Variants in SRCAP observed in about 807,000 individuals in gnomAD.
SRCAP encodes chromatin remodeling protein SRCAP.
In SRCAP, 46 loss-of-function variants were observed where a neutral mutation model predicts 263.1. The ratio of observed to expected loss-of-function variants is 0.17; its 90% CI spans 0.14 to 0.22. The LOEUF (loss-of-function observed/expected upper bound fraction) is 0.22, where lower values mean the gene tolerates loss of function less well. Ranked by LOEUF, SRCAP falls within the 10% of genes least tolerant of loss-of-function variation. The pLI is 1.00. For synonymous variants in SRCAP, 1,813 were observed against 1,662.1 expected, an observed-to-expected ratio of 1.09 and a Z score of -2.21; for missense variants, 3,695 against 4,181.9, an observed-to-expected ratio of 0.88 and a Z score of 3.21.
chr16:30,729,616 T>G (rs774999767), intron 27 of SRCAP, 44 bp downstream of exon 27: 6 of 1,607,196 alleles, frequency 3.7e-6, no homozygotes, highest in Non-Finnish European at 5.1e-6. Context: ...TCTCTTCTTT[T>G]CTTAGTATTA....
intron 8 of SRCAP, 30 bp downstream of exon 8, chr16:30,710,158 CAG>C (rs757224619): frequency 2.4e-4 from 380 of 1,600,132 alleles, no homozygotes; most frequent in Non-Finnish European, 3.1e-4. Flanking sequence ...AGGGAGGGTT[CAG>C]AGGGGGAACA....
rs139339184 is a variant in SRCAP, at chr16:30,711,901, G to A, written c.1559G>A (p.Ser520Asn). 1,435 of 1,613,902 alleles carry A rather than the reference G, an allele frequency of 8.9e-4. 7 individuals are homozygous for A. The Middle Eastern group carries it at 0.014, about 16-fold the overall frequency. ...EHSEEEETSG[S>N]SASEESESEE... ...TCAGAGGAGGAAGAAACAAGTGGAAGTTCAGCATCAGAGGAATCTGAGTCT... is the reference window on the plus strand; with the variant it reads ...TCAGAGGAGGAAGAAACAAGTGGAAATTCAGCATCAGAGGAATCTGAGTCT... The change falls in exon 12 of 34, where the codon AGT becomes AAT. Residue 520 changes from serine to asparagine, a missense_variant. Ser to Asn is a conservative substitution (Grantham distance 46). Coordinates refer to ENST00000262518, the MANE Select transcript of SRCAP (RefSeq NM_006662.3).
chr16:30,737,625 C>A lies in SRCAP; in HGVS notation c.7585C>A (p.Leu2529Ile), dbSNP rs2053173877. 1 of 1,613,928 alleles carries A rather than the reference C, an allele frequency of 6.2e-7. No homozygotes were observed. Among genetic ancestry groups the A allele is most frequent in the Non-Finnish European group, 8.5e-7 (1 of 1,180,036 alleles). Reference sequence around the variant, plus strand: ...TGTAACTCCTTCCTCTCCTCTCTTGCTTGGTCCACCTTCTGTGCCCATCTC... The same window carrying A: ...TGTAACTCCTTCCTCTCCTCTCTTGATTGGTCCACCTTCTGTGCCCATCTC... ...CLVTPSSPLL[L>I]GPPSVPISAS... Residue 2529 changes from leucine (L) to isoleucine (I), a missense_variant, in exon 34 of 34, where the codon CTT becomes ATT. By Grantham distance (5) the Leu-to-Ile change is conservative. Coordinates refer to ENST00000262518, the MANE Select transcript of SRCAP (RefSeq NM_006662.3).
At chr16:30,725,253 C>T in intron 25 of SRCAP, 171 bp downstream of exon 25, 3 of 1,326,048 alleles carry the variant, frequency 2.3e-6, no homozygotes, top group Non-Finnish European at 3.0e-6. Flanking sequence ...TGGGCGTGTA[C>T]CTCATGATCC....
chr16:30,738,401 C>T lies in SRCAP; in HGVS notation c.8361C>T (p.Ser2787=), dbSNP rs749451205. Residue 2787 remains serine (S), a synonymous_variant, in exon 34 of 34, where the codon AGC becomes AGT. Transcript: ENST00000262518. Reference sequence around the variant, plus strand: ...CTGGGGTCTCTGAGACTAGTGCCAGCCCGGGAAGCCCGTCTGTCCGCAGCA... The same window carrying T: ...CTGGGGTCTCTGAGACTAGTGCCAGTCCGGGAAGCCCGTCTGTCCGCAGCA... The part of the protein sequence containing the change: ...LVPGVSETSA[S]PGSPSVRSMS... 2 of 1,546,790 alleles carry T rather than the reference C, an allele frequency of 1.3e-6. No homozygotes were observed. The highest frequency in any genetic ancestry group is 1.7e-6 in the Non-Finnish European group (2 of 1,147,508).
rs549089609 is a variant in SRCAP at position 30,713,756 on chromosome 16, A to G, written c.2493+45A>G. The G allele has an allele frequency of 4.1e-5, 65 of 1,586,260 alleles. 1 individual carries two copies. The Admixed American group carries it at 1.1e-3, about 26-fold the overall frequency. On this transcript the variant is annotated intron_variant, in intron 16 of 33. Coordinates refer to ENST00000262518, the MANE Select transcript of SRCAP (RefSeq NM_006662.3). ...GTCAGGGTATTGGGAATGGTAAGGA[A>G]CCATTCCTGAGCACCTGGGCAGTGC...
chr16:30,738,643 G>T lies in SRCAP; in HGVS notation c.8603G>T (p.Arg2868Met). 6.2e-7 allele frequency: 1 copy of T among 1,610,328 alleles called. No individual in the cohort carries two copies. Among genetic ancestry groups the T allele is most frequent in the Admixed American group, 1.7e-5 (1 of 59,070 alleles). The change falls in exon 34 of 34, where the codon AGG becomes ATG. Residue 2868 changes from arginine (R) to methionine (M), a missense_variant. Arg to Met is a moderately conservative substitution (Grantham distance 91). Coordinates refer to ENST00000262518, the MANE Select transcript of SRCAP (RefSeq NM_006662.3). ...AGGGGGAGGCCCCCCAAGAAGAACA[G>T]GTCTCCAGCAGATGCTGGGAGAGGT... The part of the protein sequence containing the change: ...RRRGRPPKKN[R>M]SPADAGRGVD...
intron 31 of SRCAP, among the ~76,000 whole-genome samples, chr16:30,735,027 A>G (rs190121574): frequency 6.6e-6 from 1 of 152,284 alleles, no homozygotes; most frequent in East Asian, 1.9e-4. Flanking sequence ...CCCCAAAATT[A>G]TGATAGATTT....
Position 30,712,045 on chromosome 16 carries a change from G to C in SRCAP, c.1703G>C (p.Ser568Thr). The C allele has an allele frequency of 6.2e-7, 1 of 1,614,072 alleles. No individual in the cohort carries two copies. The highest frequency in any genetic ancestry group is 8.5e-7 in the Non-Finnish European group (1 of 1,180,028). Reference protein sequence around the residue: ...DEEQSEADAGSGPPTPGPTTL... With the variant: ...DEEQSEADAGTGPPTPGPTTL... ...GAGCAGAGTGAGGCAGATGCAGGCA[G>C]TGGGCCTCCTACTCCAGGGCCCACT... The change falls in exon 12 of 34, where the codon AGT (serine) becomes ACT (threonine). Residue 568 changes from serine to threonine, a missense_variant. Ser to Thr is a moderately conservative substitution (Grantham distance 58). Coordinates refer to ENST00000262518, the MANE Select transcript of SRCAP (RefSeq NM_006662.3).
At position 30,712,178 on chromosome 16, in the gene SRCAP, C is replaced by G. The variant is rs748443592; in HGVS notation, c.1815+21C>G. 6.2e-6 allele frequency: 10 copies of G among 1,608,020 alleles called. 1 individual carries two copies. In the South Asian group the frequency reaches 6.6e-5, roughly 11 times the overall value. On this transcript the variant is annotated intron_variant, in intron 12 of 33. Coordinates refer to ENST00000262518, the MANE Select transcript of SRCAP (RefSeq NM_006662.3). Reference sequence around the variant, plus strand: ...CCCAGGTATCCCCAGGTTCTGGCCTCTCCTTTCTCATGTCTTGACTTTCTC... The same window carrying G: ...CCCAGGTATCCCCAGGTTCTGGCCTGTCCTTTCTCATGTCTTGACTTTCTC...
At position 30,700,731 on chromosome 16, in the gene SRCAP, C is replaced by T; in HGVS notation, c.-94C>T. ...AGAATGAGGCCAGCTCCCAGCATGC[C>T]CTGCAGCCGGACGCCAGCCCCTCGG... On this transcript the variant is annotated 5_prime_UTR_variant, in exon 3 of 34. Coordinates refer to ENST00000262518, the MANE Select transcript of SRCAP (RefSeq NM_006662.3). 1.6e-6 allele frequency: 2 copies of T among 1,274,030 alleles called. No individual in the cohort carries two copies. Among genetic ancestry groups the T allele is most frequent in the East Asian group, 2.4e-5 (1 of 41,808 alleles). 78.9% of individuals were successfully genotyped at this position (1,274,030 alleles called of 1,614,324 possible). A position where few individuals can be genotyped will look rare whatever the true frequency, so the allele number is the denominator to read the frequency against.
At chr16:30,730,283 GA>G (rs2053100819) in intron 27 of SRCAP, among the ~76,000 whole-genome samples, 1 of 152,002 alleles carries the variant, frequency 6.6e-6, no homozygotes, top group Admixed American at 6.6e-5. Flanking sequence ...AAAAGACAAG[GA>G]CCTTTTTGTG....
intron 18 of SRCAP, among the ~76,000 whole-genome samples, chr16:30,716,757 A>G (rs1268822683): frequency 6.6e-6 from 1 of 152,190 alleles, no homozygotes; most frequent in Non-Finnish European, 1.5e-5. Context: ...TGATGGGCTT[A>G]TCAAGGGTAT....
At position 30,739,563 on chromosome 16, in the gene SRCAP, G is replaced by A. The variant is rs1326895270; in HGVS notation, c.9523G>A (p.Glu3175Lys). Residue 3175 changes from glutamate to lysine, a missense_variant, in exon 34 of 34, where the codon GAA becomes AAA. Transcript: ENST00000262518. Reference sequence around the variant, plus strand: ...GGGTTCAGTAGAGGAGTCTGAGGCTGAAGCCTCAGGTGAGGAGGAGGAAGG... The same window carrying A: ...GGGTTCAGTAGAGGAGTCTGAGGCTAAAGCCTCAGGTGAGGAGGAGGAAGG... ...PEGSVEESEA[E>K]ASGEEEEGDG... 2.5e-6 allele frequency: 4 copies of A among 1,607,820 alleles called. No individual in the cohort carries two copies. Among genetic ancestry groups the A allele is most frequent in the Non-Finnish European group, 2.5e-6 (3 of 1,177,418 alleles).
chr16:30,740,058 T>A lies in SRCAP; in HGVS notation c.*325T>A. Reference sequence around the variant, plus strand: ...TTAGGGGAAGGGGGAGGGGCTTCTCTACAATGAGGTTTTTTTCTTTTTTTT... The same window carrying A: ...TTAGGGGAAGGGGGAGGGGCTTCTCAACAATGAGGTTTTTTTCTTTTTTTT... On this transcript the variant is annotated 3_prime_UTR_variant, in exon 34 of 34. Transcript: ENST00000262518. The A allele has an allele frequency of 2.3e-5, 5 of 217,988 alleles. No homozygotes were observed. The highest frequency in any genetic ancestry group is 4.4e-5 in the Non-Finnish European group (5 of 112,536). 13.5% of individuals were successfully genotyped at this position (217,988 alleles called of 1,614,324 possible).
At chr16:30,726,993 C>G (rs2053070729) in intron 25 of SRCAP, among the ~76,000 whole-genome samples, 1 of 152,196 alleles carries the variant, frequency 6.6e-6, no homozygotes, top group African/African-American at 2.4e-5. Flanking sequence ...TGAGCCACTG[C>G]ACCTGGCCAG....
chr16:30,722,892 C>T (rs1334706191), intron 23 of SRCAP, 71 bp from the exon 24 acceptor site: 5 of 1,556,488 alleles, frequency 3.2e-6, no homozygotes, highest in Non-Finnish European at 4.4e-6. Context: ...TCTCCTGCCC[C>T]TGGACTTCTT....
rs939706617 is a variant in SRCAP, at chr16:30,720,105, G to A, written c.2818-57G>A. The A allele has an allele frequency of 1.8e-5, 28 of 1,560,022 alleles. 1 individual carries two copies. Among genetic ancestry groups the A allele is most frequent in the Admixed American group, 1.4e-4 (8 of 56,798 alleles). The stretch of plus-strand genomic sequence containing the variant: ...GATAATGGCCTCCAGCTACATCTGC[G>A]TTGCAAAGGATGTGATTTTGTTCTT... On this transcript the variant is annotated intron_variant, in intron 18 of 33. Coordinates refer to ENST00000262518, the MANE Select transcript of SRCAP (RefSeq NM_006662.3).
chr16:30,722,992 G>C lies in SRCAP; in HGVS notation c.3922G>C (p.Val1308Leu), dbSNP rs199498393. The change falls in exon 24 of 34, where the codon GTG becomes CTG. Residue 1308 changes from valine to leucine, a missense_variant. Physicochemically the swap from Val to Leu is conservative, Grantham distance 32 (BLOSUM62 1). Around this residue, in one of 12 missense-constraint regions of SRCAP, gnomAD observed 1,347 missense variants for 1,304.4 expected, o/e 1.03. Transcript: ENST00000262518. ...ACCAACCATGGTGAATAATACAGGCGTGGTGAAGATTGTAGTGAGACAAGC... is the reference window on the plus strand; with the variant it reads ...ACCAACCATGGTGAATAATACAGGCCTGGTGAAGATTGTAGTGAGACAAGC... ...VPPTMVNNTG[V>L]VKIVVRQAPR... 2 of 1,613,478 alleles carry C rather than the reference G, an allele frequency of 1.2e-6. No individual in the cohort carries two copies. The highest frequency in any genetic ancestry group is 1.7e-5 in the Admixed American group (1 of 59,930).
Sources: allele counts gnomAD v4.1 joint callset (sites outside exome capture counted in the v4.1 genomes callset), GRCh38; gene constraint gnomAD v4.1.1; regional missense constraint gnomAD v4.1.1; transcripts MANE v1.5; gene names NCBI Gene and HGNC (gene_info 2026-07-23, HGNC 2026-07-21).